KLRC3: variants seen among roughly 807,000 people sequenced by gnomAD.
KLRC3 encodes NKG2-E type II integral membrane protein.
A neutral mutation model predicts 23.6 loss-of-function variants in KLRC3; 16 were observed. The ratio of observed to expected loss-of-function variants is 0.68; its 90% CI spans 0.46 to 1.03. The LOEUF (loss-of-function observed/expected upper bound fraction) is 1.03. Among genes scored for constraint, KLRC3 ranks in the 50% least tolerant of loss-of-function variants. The pLI is 0.00. For missense variants in KLRC3, 209 were observed against 232.2 expected (o/e 0.90, Z 0.65); for synonymous variants, 70 against 71.8 (o/e 0.98, Z 0.13).
At chr12:10,415,374 C>A (rs868230059) in intron 6 of KLRC3, among the ~76,000 whole-genome samples, 1 of 152,142 alleles carries the variant, frequency 6.6e-6, no homozygotes. Context: ...GCATTAGCAA[C>A]GCTATTTTAT....
rs1230129982 is a variant in KLRC3, at chr12:10,415,672, T to A, written c.678+32A>T. The A allele has an allele frequency of 5.0e-6, 8 of 1,613,024 alleles. 1 individual carries two copies. In the East Asian group the frequency reaches 1.8e-4, roughly 36 times the overall value. On this transcript the variant is annotated intron_variant, in intron 6 of 6. Transcript: ENST00000396439. ...AAATTTTATCTGATGCACTGCAAGCTCAAGCGCTTTAATTCTAAAGCTTAT... is the reference window on the plus strand; with the variant it reads ...AAATTTTATCTGATGCACTGCAAGCACAAGCGCTTTAATTCTAAAGCTTAT...
chr12:10,418,649 C>A (rs1406337830), intron 3 of KLRC3, 151 bp from the exon 4 acceptor site: 2 of 973,874 alleles, frequency 2.1e-6, no homozygotes, highest in Non-Finnish European at 3.0e-6. Context: ...ATAACTGAGT[C>A]AGTCATACAC....
At chr12:10,415,516 A>G in intron 6 of KLRC3, 188 bp downstream of exon 6, 1 of 939,860 alleles carries the variant, frequency 1.1e-6, no homozygotes, top group Non-Finnish European at 1.5e-6. Context: ...ATGCGAGGGT[A>G]TCTGTACTTC....
intron 5 of KLRC3, among the ~76,000 whole-genome samples, chr12:10,416,401 C>A (rs1863643608): frequency 6.6e-6 from 1 of 152,140 alleles, no homozygotes; most frequent in Non-Finnish European, 1.5e-5. Context: ...TATGTGTGGC[C>A]CAAGACTCTT....
intron 4 of KLRC3, 110 bp downstream of exon 4, chr12:10,418,234 C>G (rs1863672330): frequency 1.9e-5 from 21 of 1,088,808 alleles, no homozygotes; most frequent in Non-Finnish European, 2.7e-5. Context: ...AATGCATACA[C>G]TTGAAAATAT....
chr12:10,415,299 T>G (rs146220476), intron 6 of KLRC3, among the ~76,000 whole-genome samples: 116 of 152,298 alleles, frequency 7.6e-4, no homozygotes, highest in African/African-American at 2.5e-3. Flanking sequence ...TTAGAAAGTT[T>G]TCATCACTGA....
chr12:10,415,822 G>C, intron 5 of KLRC3, 28 bp from the exon 6 acceptor site: 1 of 1,528,364 alleles, frequency 6.5e-7, no homozygotes, highest in Non-Finnish European at 9.0e-7. Flanking sequence ...CCATAATTCT[G>C]TTACATTTTA....
At chr12:10,412,755 T>C (rs550625673) in intron 6 of KLRC3, 139 bp from the exon 7 acceptor site, 2 of 610,486 alleles carry the variant, frequency 3.3e-6, no homozygotes, top group South Asian at 3.7e-5. Context: ...TTTACTGAAA[T>C]TGGGGAAATA....
intron 5 of KLRC3, among the ~76,000 whole-genome samples, 169 bp downstream of exon 5, chr12:10,416,498 T>C (rs142603074): frequency 2.0e-4 from 30 of 152,294 alleles, no homozygotes; most frequent in African/African-American, 6.7e-4. Context: ...GACCAATGAG[T>C]GGTGGACATA....
rs531430108 is a variant in KLRC3, at chr12:10,415,748, C to A, written c.634G>T (p.Val212Leu). ...HAERNCAMLH[V>L]RGLISDQCGS... ...CACTGGTCTGATATAAGTCCACGTACATGTAGCATTGCACAGTTACGTTCA... is the reference window on the plus strand; with the variant it reads ...CACTGGTCTGATATAAGTCCACGTAAATGTAGCATTGCACAGTTACGTTCA... Residue 212 changes from valine to leucine, a missense_variant, in exon 6 of 7, where the codon GTA becomes TTA. Transcript: ENST00000396439. 6.2e-7 allele frequency: 1 copy of A among 1,613,266 alleles called. No homozygotes were observed. The highest frequency in any genetic ancestry group is 8.5e-7 in the Non-Finnish European group (1 of 1,179,564).
At chr12:10,414,285 T>TA (rs1261815733) in intron 6 of KLRC3, among the ~76,000 whole-genome samples, 1 of 151,522 alleles carries the variant, frequency 6.6e-6, no homozygotes, top group East Asian at 1.9e-4. Flanking sequence ...TTCTAAGTAA[T>TA]AAAAAATAAA....
chr12:10,416,854 C>T (rs1350244204), intron 4 of KLRC3, 87 bp from the exon 5 acceptor site: 25 of 1,186,076 alleles, frequency 2.1e-5, no homozygotes, highest in Non-Finnish European at 2.5e-5. Flanking sequence ...CCACTATTTG[C>T]AGTGCCAAAA....
chr12:10,412,775 A>T (rs1863592454), intron 6 of KLRC3, among the ~76,000 whole-genome samples, 159 bp from the exon 7 acceptor site: 1 of 152,232 alleles, frequency 6.6e-6, no homozygotes, highest in Non-Finnish European at 1.5e-5. Flanking sequence ...ATACTTCATA[A>T]TGATAAATTA....
At chr12:10,412,657 G>T (rs528347666) in intron 6 of KLRC3, 41 bp from the exon 7 acceptor site, 21 of 690,622 alleles carry the variant, frequency 3.0e-5, no homozygotes, top group East Asian at 1.1e-4. Flanking sequence ...GATGGTATTG[G>T]CCTGTAGCCA....
intron 6 of KLRC3, among the ~76,000 whole-genome samples, chr12:10,412,841 AG>A (rs1199127546): frequency 6.6e-6 from 1 of 152,226 alleles, no homozygotes; most frequent in Non-Finnish European, 1.5e-5. Flanking sequence ...TAATGATACA[AG>A]TTCAACATAT....
In KLRC3 at chr12:10,418,425, T is replaced by C. The variant is rs1138437; in HGVS notation, c.405A>G (p.Arg135=). Residue 135 remains arginine (R), a synonymous_variant, in exon 4 of 7, where the codon AGA becomes AGG. Transcript: ENST00000396439. ...CCTGCAAACTCTCTTCCCAAGTTCT[T>C]CTTTCCTTACCAATGTAATAACAAC... ...SNSCYYIGKE[R]RTWEESLQAC... The C allele has an allele frequency of 6.2e-7, 1 of 1,611,454 alleles. No individual in the cohort carries two copies. The highest frequency in any genetic ancestry group is 1.3e-5 in the African/African-American group (1 of 74,872).
At chr12:10,415,662 C>T (rs1321275153) in intron 6 of KLRC3, 42 bp downstream of exon 6, 3 of 1,611,380 alleles carry the variant, frequency 1.9e-6, no homozygotes, top group Non-Finnish European at 2.5e-6. Flanking sequence ...TTATCTGATG[C>T]ACTGCAAGCT....
chr12:10,416,592 CA>C (rs1478982144), intron 5 of KLRC3, 74 bp downstream of exon 5: 1 of 1,479,100 alleles, frequency 6.8e-7, no homozygotes, highest in Non-Finnish European at 9.2e-7. Context: ...AATGATTCCA[CA>C]TAGATTTATT....
chr12:10,415,844 CA>C (rs754590428), intron 5 of KLRC3, 50 bp from the exon 6 acceptor site: 1 of 1,357,852 alleles, frequency 7.4e-7, no homozygotes, highest in Admixed American at 1.9e-5. Flanking sequence ...GCAAATGACC[CA>C]TGAGACAAAA....
Sources: allele counts gnomAD v4.1 joint callset (sites outside exome capture counted in the v4.1 genomes callset), GRCh38; gene constraint gnomAD v4.1.1; transcripts MANE v1.5; gene names NCBI Gene and HGNC (gene_info 2026-07-23, HGNC 2026-07-21).